NT5C3A: variants seen among roughly 807,000 people sequenced by gnomAD.
The protein encoded by NT5C3A is cytosolic 5'-nucleotidase 3A.
Under a neutral mutation model 40.0 loss-of-function variants are expected in NT5C3A, and 23 were observed. That is an observed-to-expected ratio of 0.58 (90% CI 0.41 to 0.81). NT5C3A has a LOEUF of 0.81. Ranked by LOEUF, NT5C3A falls within the 40% of genes least tolerant of loss-of-function variation. The pLI is 0.00. For synonymous variants in NT5C3A, 130 were observed against 141.4 expected (o/e 0.92, Z 0.57); for missense variants, 328 against 403.0 (o/e 0.81, Z 1.59).
chr7:33,025,490 T>C (rs17170180), intron 2 of NT5C3A, among the ~76,000 whole-genome samples: 57,541 of 152,006 alleles, frequency 0.38, 11,311 homozygotes, highest in Admixed American at 0.52. Context: ...AATATCCAGA[T>C]TGTTGATTTA....
chr7:33,040,236 A>C (rs6415262), intron 1 of NT5C3A, among the ~76,000 whole-genome samples: 109,946 of 151,760 alleles, frequency 0.72, 40,103 homozygotes, highest in African/African-American at 0.79. Flanking sequence ...GGAAAAAAAA[A>C]CCTATAAAAT....
At chr7:33,054,452 T>C (rs1404288504) in intron 1 of NT5C3A, among the ~76,000 whole-genome samples, 1 of 152,222 alleles carries the variant, frequency 6.6e-6, no homozygotes, top group Admixed American at 6.5e-5. Flanking sequence ...TGAATCATTA[T>C]GCAATGTCAT....
At chr7:33,049,841 G>GT (rs760847993) in intron 1 of NT5C3A, among the ~76,000 whole-genome samples, 3 of 151,674 alleles carry the variant, frequency 2.0e-5, no homozygotes, top group Non-Finnish European at 4.4e-5. Flanking sequence ...GTGGTGGCAG[G>GT]TGACTGTAGT....
chr7:33,059,858 G>A (rs1053717045), intron 1 of NT5C3A, among the ~76,000 whole-genome samples: 1 of 152,074 alleles, frequency 6.6e-6, no homozygotes, highest in Non-Finnish European at 1.5e-5. Context: ...ATCATCTTTC[G>A]CAAGCAATAC....
intron 3 of NT5C3A, chr7:33,023,619 T>C: frequency 5.1e-6 from 1 of 195,734 alleles, no homozygotes; most frequent in Non-Finnish European, 1.1e-5. Flanking sequence ...CATTTCACCG[T>C]TTCCCTGTCA....
At chr7:33,051,407 C>T (rs1198784786) in intron 1 of NT5C3A, among the ~76,000 whole-genome samples, 1 of 152,064 alleles carries the variant, frequency 6.6e-6, no homozygotes, top group Admixed American at 6.6e-5. Flanking sequence ...TGTGATCCGC[C>T]CGCCTCGGCC....
chr7:33,059,482 T>G (rs918762737), intron 1 of NT5C3A, among the ~76,000 whole-genome samples: 3 of 152,214 alleles, frequency 2.0e-5, no homozygotes, highest in African/African-American at 7.2e-5. Context: ...GAATCAGCAG[T>G]TACCTGATAA....
intron 1 of NT5C3A, among the ~76,000 whole-genome samples, chr7:33,037,024 A>G (rs1786643753): frequency 6.6e-6 from 1 of 151,990 alleles, no homozygotes; most frequent in South Asian, 2.1e-4. Context: ...GTTGGCCAGG[A>G]TGGCCTCGAT....
chr7:33,045,540 A>G (rs1172938830), intron 1 of NT5C3A, among the ~76,000 whole-genome samples: 2 of 151,942 alleles, frequency 1.3e-5, no homozygotes, highest in Non-Finnish European at 2.9e-5. Context: ...GCTCACTGCA[A>G]TCTCCGCCTC....
intron 1 of NT5C3A, among the ~76,000 whole-genome samples, chr7:33,034,243 T>A (rs760225355): frequency 3.3e-5 from 5 of 152,054 alleles, no homozygotes; most frequent in Admixed American, 1.3e-4. Flanking sequence ...TTGTGTAAAT[T>A]AATGCAATAA....
In NT5C3A at chr7:33,014,705, A is replaced by C; in HGVS notation, c.*25T>G. 6.2e-7 allele frequency: 1 copy of C among 1,609,930 alleles called. No individual in the cohort carries two copies. The highest frequency in any genetic ancestry group is 1.1e-5 in the South Asian group (1 of 90,936). On this transcript the variant is annotated 3_prime_UTR_variant, in exon 9 of 9. Transcript: ENST00000610140. ...AACAGTTCAATTGCACCCACAGGAG[A>C]GAGGTCTTCTTGGAGAATGCTTGTT...
intron 7 of NT5C3A, 93 bp downstream of exon 7, chr7:33,017,346 A>G (rs1785388838): frequency 1.1e-5 from 11 of 1,007,408 alleles, no homozygotes; most frequent in Admixed American, 2.2e-5. Flanking sequence ...TAATTTCTGG[A>G]TATAGGATAT....
intron 1 of NT5C3A, among the ~76,000 whole-genome samples, chr7:33,057,484 T>G (rs1301870595): frequency 6.6e-6 from 1 of 152,094 alleles, no homozygotes; most frequent in Non-Finnish European, 1.5e-5. Context: ...ATTCAACCAC[T>G]GCACTCCAGC....
chr7:33,023,618 G>A (rs199933615), intron 3 of NT5C3A: 44 of 193,982 alleles, frequency 2.3e-4, no homozygotes, highest in Admixed American at 7.6e-4. Flanking sequence ...TCATTTCACC[G>A]TTTCCCTGTC....
At chr7:33,042,167 T>C (rs951258412) in intron 1 of NT5C3A, among the ~76,000 whole-genome samples, 1 of 151,930 alleles carries the variant, frequency 6.6e-6, no homozygotes, top group African/African-American at 2.4e-5. Flanking sequence ...TGAAACCCCA[T>C]CTCTACCAAA....
chr7:33,039,043 C>A, intron 1 of NT5C3A: 1 of 383,716 alleles, frequency 2.6e-6, no homozygotes, highest in Non-Finnish European at 5.1e-6. Context: ...AGATTAAGGT[C>A]TCTACTATAG....
intron 1 of NT5C3A, among the ~76,000 whole-genome samples, chr7:33,053,714 T>C (rs2128018020): frequency 6.6e-6 from 1 of 152,172 alleles, no homozygotes; most frequent in Admixed American, 6.5e-5. Context: ...TAATGGCTTT[T>C]AGTCAGAAAA....
intron 1 of NT5C3A, among the ~76,000 whole-genome samples, chr7:33,056,838 T>C (rs1357977239): frequency 3.3e-5 from 5 of 151,858 alleles, no homozygotes; most frequent in Admixed American, 6.6e-5. Context: ...TGAGATGGAG[T>C]TTTGCTCTTG....
intron 1 of NT5C3A, chr7:33,029,696 A>G (rs1166503548): frequency 3.1e-6 from 4 of 1,289,606 alleles, no homozygotes; most frequent in Middle Eastern, 2.1e-4. Context: ...CACTTCGAAG[A>G]AGGCTGGTTT....
Sources: gnomAD v4.1 joint callset for allele counts (sites outside exome capture counted in the v4.1 genomes callset) on GRCh38, gnomAD v4.1.1 for gene constraint, MANE v1.5 for transcripts, NCBI Gene and HGNC (gene_info 2026-07-23, HGNC 2026-07-21) for gene names.